Variants in MFF observed in about 807,000 individuals in gnomAD.
MFF encodes chromosome 2 open reading frame 33.
In MFF, 12 loss-of-function variants were observed where a neutral mutation model predicts 36.9. The observed-to-expected ratio is 0.33, with a 90% CI of 0.21 to 0.53. MFF has a LOEUF of 0.53. Ranked by LOEUF, MFF falls within the 20% of genes least tolerant of loss-of-function variation. The probability of loss-of-function intolerance (pLI) is 0.95; values close to 1 mark genes in which losing one functional copy is unlikely to be tolerated. For missense variants in MFF, 348 were observed against 366.6 expected, an observed-to-expected ratio of 0.95 and a Z score of 0.42; for synonymous variants, 99 against 126.2, an observed-to-expected ratio of 0.78 and a Z score of 1.44.
At chr2:227,338,976 G>A (rs992930159) in intron 4 of MFF, among the ~76,000 whole-genome samples, 1 of 151,296 alleles carries the variant, frequency 6.6e-6, no homozygotes, top group Non-Finnish European at 1.5e-5. Flanking sequence ...GCCAAGGTGG[G>A]CAGAACACTT....
At chr2:227,352,337 T>C in intron 6 of MFF, 177 bp from the exon 7 acceptor site, 1 of 538,320 alleles carries the variant, frequency 1.9e-6, no homozygotes, top group Non-Finnish European at 3.3e-6. Flanking sequence ...ATGAAAATGA[T>C]AAAATGGAGG....
chr2:227,340,519 T>A, intron 5 of MFF, 139 bp downstream of exon 5: 1 of 665,168 alleles, frequency 1.5e-6, no homozygotes, highest in East Asian at 2.9e-5. Context: ...TAATACTTTT[T>A]GTAATCTTAA....
intron 5 of MFF, among the ~76,000 whole-genome samples, chr2:227,341,188 T>G (rs983540902): frequency 8.5e-5 from 13 of 152,124 alleles, no homozygotes; most frequent in African/African-American, 3.1e-4. Flanking sequence ...GTGATTTATA[T>G]TACAGCATAT....
chr2:227,337,212 C>G (rs1231466463), intron 4 of MFF, among the ~76,000 whole-genome samples: 1 of 152,256 alleles, frequency 6.6e-6, no homozygotes, highest in Non-Finnish European at 1.5e-5. Flanking sequence ...CAAGCATGGT[C>G]TCGTCACTCC....
chr2:227,329,451 T>C (rs2074409455), intron 2 of MFF: 1 of 310,542 alleles, frequency 3.2e-6, no homozygotes, highest in Non-Finnish European at 6.0e-6. Flanking sequence ...ATAGAAAAAC[T>C]CTTCTTAGGA....
At chr2:227,330,601 C>G (rs1399899476) in intron 2 of MFF, 25 bp from the exon 3 acceptor site, 1 of 1,551,916 alleles carries the variant, frequency 6.4e-7, no homozygotes, top group Admixed American at 1.7e-5. Flanking sequence ...ACAGTCAGCC[C>G]TGTCTTTAAA....
At chr2:227,347,172 A>C in intron 5 of MFF, 54 bp from the exon 6 acceptor site, 1 of 1,550,470 alleles carries the variant, frequency 6.4e-7, no homozygotes, top group South Asian at 1.1e-5. Context: ...CTGAAGTTTT[A>C]TAAAAATCTG....
chr2:227,337,211 TC>T (rs1258948975), intron 4 of MFF, among the ~76,000 whole-genome samples: 1 of 152,266 alleles, frequency 6.6e-6, no homozygotes, highest in Non-Finnish European at 1.5e-5. Context: ...ACAAGCATGG[TC>T]TCGTCACTCC....
At chr2:227,356,503 T>C (rs1273989857) in intron 8 of MFF, among the ~76,000 whole-genome samples, 1 of 152,058 alleles carries the variant, frequency 6.6e-6, no homozygotes, top group East Asian at 1.9e-4. Context: ...TACAGTAGAT[T>C]ATTTTATTGG....
At chr2:227,348,302 C>G (rs2075816503) in intron 6 of MFF, among the ~76,000 whole-genome samples, 1 of 152,090 alleles carries the variant, frequency 6.6e-6, no homozygotes, top group African/African-American at 2.4e-5. Flanking sequence ...TTGTTGAGTG[C>G]TTGTAGTCCT....
chr2:227,333,938 C>T (rs2074793462), intron 4 of MFF, among the ~76,000 whole-genome samples: 1 of 152,134 alleles, frequency 6.6e-6, no homozygotes, highest in South Asian at 2.1e-4. Flanking sequence ...CCGGGATTTC[C>T]CTCAGTAGAC....
intron 6 of MFF, chr2:227,352,133 G>A (rs1468024271): frequency 1.2e-5 from 2 of 173,472 alleles, no homozygotes; most frequent in Non-Finnish European, 2.5e-5. Context: ...ACCAGGTCCT[G>A]ATATGCTTTT....
At chr2:227,331,853 T>C (rs1431734409) in intron 3 of MFF, among the ~76,000 whole-genome samples, 1 of 152,078 alleles carries the variant, frequency 6.6e-6, no homozygotes, top group African/African-American at 2.4e-5. Flanking sequence ...GTAAGAGTTT[T>C]AAATATTCTA....
chr2:227,338,362 TC>T (rs2075160125), intron 4 of MFF, among the ~76,000 whole-genome samples: 2 of 4,068 alleles, frequency 4.9e-4, no homozygotes, highest in African/African-American at 2.8e-4. Context: ...AGAGTGACAC[TC>T]TGTCTCAAAA....
chr2:227,345,443 A>C (rs1375355755), intron 5 of MFF, among the ~76,000 whole-genome samples: 4 of 152,244 alleles, frequency 2.6e-5, no homozygotes, highest in African/African-American at 4.8e-5. Context: ...AAACCCCCAA[A>C]TGCAAAGGCA....
chr2:227,333,598 G>T (rs960954427), intron 4 of MFF, among the ~76,000 whole-genome samples: 1 of 152,146 alleles, frequency 6.6e-6, no homozygotes, highest in East Asian at 1.9e-4. Context: ...GTTTCAGCAG[G>T]ACAATGATAT....
intron 8 of MFF, 66 bp downstream of exon 8, chr2:227,355,827 TC>T: frequency 1.0e-6 from 1 of 967,922 alleles, no homozygotes; most frequent in Non-Finnish European, 1.6e-6. Context: ...AAGTGATAGT[TC>T]TCAACATTTT....
chr2:227,335,147 G>A (rs1375520338), intron 4 of MFF, among the ~76,000 whole-genome samples: 1 of 132,876 alleles, frequency 7.5e-6, no homozygotes, highest in African/African-American at 2.9e-5. Flanking sequence ...TCCGGTCTGG[G>A]CAACAGAGCC....
chr2:227,332,845 A>G lies in MFF; in HGVS notation c.351+257A>G, dbSNP rs141151207. Among the ~76,000 whole-genome samples, 11 of 152,370 alleles carry G rather than the reference A, an allele frequency of 7.2e-5. 1 individual carries two copies. In the East Asian group the frequency reaches 1.9e-3, roughly 27 times the overall value. Reference sequence around the variant, plus strand: ...CCTGTGGTTTGAAGAAAGAGCCTTTATGGGTAGGTGTTACTTGTTAAATAA... The same window carrying G: ...CCTGTGGTTTGAAGAAAGAGCCTTTGTGGGTAGGTGTTACTTGTTAAATAA... On this transcript the variant is annotated intron_variant, in intron 4 of 8. Transcript: ENST00000304593.
Sources: gnomAD v4.1 joint callset for allele counts (sites outside exome capture counted in the v4.1 genomes callset) on GRCh38, gnomAD v4.1.1 for gene constraint, MANE v1.5 for transcripts, NCBI Gene and HGNC (gene_info 2026-07-23, HGNC 2026-07-21) for gene names.